RASGRP3: variants seen among roughly 807,000 people sequenced by gnomAD.
RASGRP3 encodes ras guanyl-releasing protein 3.
A neutral mutation model predicts 82.7 loss-of-function variants in RASGRP3; 54 were observed. That is an observed-to-expected ratio of 0.65 (90% CI 0.52 to 0.82). RASGRP3 has a LOEUF of 0.82. Among genes scored for constraint, RASGRP3 ranks in the 40% least tolerant of loss-of-function variants. The pLI, the probability that RASGRP3 is intolerant of heterozygous loss-of-function variation, is 0.00. For synonymous variants in RASGRP3, 309 were observed against 300.5 expected, an observed-to-expected ratio of 1.03 and a Z score of -0.29; for missense variants, 861 against 828.9, an observed-to-expected ratio of 1.04 and a Z score of -0.48.
chr2:33,464,999 A>C (rs1017941331), intron 2 of RASGRP3, among the ~76,000 whole-genome samples: 1 of 152,212 alleles, frequency 6.6e-6, no homozygotes, highest in African/African-American at 2.4e-5. Context: ...TAAGTGTTCA[A>C]GTGAGAGAAA....
chr2:33,473,945 C>T (rs1013972246), upstream of RASGRP3, among the ~76,000 whole-genome samples: 3 of 152,172 alleles, frequency 2.0e-5, no homozygotes, highest in African/African-American at 4.8e-5. Flanking sequence ...GCATTAGACT[C>T]TCATAAGGAG....
At chr2:33,520,355 C>T (rs1315284275) in intron 5 of RASGRP3, among the ~76,000 whole-genome samples, 198 bp from the exon 6 acceptor site, 1 of 152,090 alleles carries the variant, frequency 6.6e-6, no homozygotes, top group Non-Finnish European at 1.5e-5. Flanking sequence ...TGAGTGGGAG[C>T]GGTTTTAGAT....
chr2:33,549,806 G>GAAAAAAAAAA, intron 14 of RASGRP3, 55 bp downstream of exon 14: 1 of 1,529,490 alleles, frequency 6.5e-7, no homozygotes, highest in South Asian at 1.3e-5. Flanking sequence ...GTGGCATTCT[G>GAAAAAAAAAA]AAAAAGTAGG....
intron 1 of RASGRP3, among the ~76,000 whole-genome samples, chr2:33,500,097 A>G (rs1669726530): frequency 6.6e-6 from 1 of 152,208 alleles, no homozygotes; most frequent in South Asian, 2.1e-4. Flanking sequence ...GAGGAGAGAC[A>G]TTCAAAAAAA....
chr2:33,447,532 T>C (rs1300683545), intron 1 of RASGRP3, among the ~76,000 whole-genome samples: 1 of 151,964 alleles, frequency 6.6e-6, no homozygotes, highest in Non-Finnish European at 1.5e-5. Context: ...GCCTCCTGAA[T>C]TCAAGTCATT....
chr2:33,476,156 G>A (rs1667348019), upstream of RASGRP3: 1 of 152,284 alleles, frequency 6.6e-6, no homozygotes. Flanking sequence ...AGTCAGGCTT[G>A]TGGCTCGTCT....
At chr2:33,552,635 T>C (rs1397504684) in intron 14 of RASGRP3, among the ~76,000 whole-genome samples, 1 of 152,216 alleles carries the variant, frequency 6.6e-6, no homozygotes, top group Non-Finnish European at 1.5e-5. Context: ...GCCGGAACCA[T>C]CTGCTTTTAA....
chr2:33,510,293 T>A (rs1443428272), intron 1 of RASGRP3, among the ~76,000 whole-genome samples: 3 of 152,236 alleles, frequency 2.0e-5, no homozygotes, highest in Non-Finnish European at 4.4e-5. Flanking sequence ...TCAAAACGAT[T>A]TGTTGAATAC....
intron 2 of RASGRP3, among the ~76,000 whole-genome samples, chr2:33,464,165 C>T (rs1201242113): frequency 6.7e-6 from 1 of 148,556 alleles, no homozygotes; most frequent in African/African-American, 2.5e-5. Context: ...GTTGTCCAGG[C>T]TGGAGTGCAG....
intron 1 of RASGRP3, among the ~76,000 whole-genome samples, chr2:33,504,813 G>T (rs1362318382): frequency 3.3e-5 from 5 of 152,036 alleles, no homozygotes; most frequent in African/African-American, 1.2e-4. Context: ...GGATGCAGTG[G>T]GAAGACCCCT....
upstream of RASGRP3, chr2:33,476,535 C>A (rs1667388858): frequency 6.6e-6 from 1 of 152,212 alleles, no homozygotes; most frequent in Non-Finnish European, 1.5e-5. Context: ...GAATGATCTT[C>A]AGTTTCTGAC....
intron 2 of RASGRP3, among the ~76,000 whole-genome samples, chr2:33,448,747 T>G (rs1012077763): frequency 5.3e-5 from 8 of 150,284 alleles, no homozygotes; most frequent in Non-Finnish European, 1.2e-4. Flanking sequence ...GTGGTGATGA[T>G]TGCACAACAT....
intron 2 of RASGRP3, among the ~76,000 whole-genome samples, chr2:33,470,546 A>AT (rs1417970783): frequency 9.9e-5 from 15 of 151,870 alleles, no homozygotes; most frequent in Non-Finnish European, 1.9e-4. Flanking sequence ...TGCCCGGCTA[A>AT]TTTTTTGTAT....
chr2:33,450,814 C>CTTTT (rs1665745631), intron 2 of RASGRP3, among the ~76,000 whole-genome samples: 1 of 30,658 alleles, frequency 3.3e-5, no homozygotes, highest in Non-Finnish European at 7.9e-5. Flanking sequence ...TTTTCTCTTT[C>CTTTT]TTTCTTTCTT....
At chr2:33,553,671 A>C (rs1308303867) in intron 14 of RASGRP3, among the ~76,000 whole-genome samples, 1 of 152,150 alleles carries the variant, frequency 6.6e-6, no homozygotes, top group African/African-American at 2.4e-5. Flanking sequence ...GCTTCTACTT[A>C]GTTGTCAGAT....
intron 1 of RASGRP3, chr2:33,482,821 A>G (rs1400388489): frequency 6.6e-6 from 1 of 152,240 alleles, no homozygotes; most frequent in Non-Finnish European, 1.5e-5. Context: ...GGGGAAAAAC[A>G]TGTGGACAGC....
At chr2:33,468,383 C>G (rs1224611813) in intron 2 of RASGRP3, among the ~76,000 whole-genome samples, 1 of 152,018 alleles carries the variant, frequency 6.6e-6, no homozygotes, top group Non-Finnish European at 1.5e-5. Flanking sequence ...GAATATTTTT[C>G]CATGTTACTA....
chr2:33,563,109 C>G lies in RASGRP3; in HGVS notation c.*372C>G, dbSNP rs981039172. 2 of 233,026 alleles carry G rather than the reference C, an allele frequency of 8.6e-6. No individual in the cohort carries two copies. Among genetic ancestry groups the G allele is most frequent in the Non-Finnish European group, 1.6e-5 (2 of 121,616 alleles). 14.4% of individuals were successfully genotyped at this position (233,026 alleles called of 1,614,324 possible). Reference sequence around the variant, plus strand: ...GACTTCGCTTTTTTTGTGAGACTATCCTTTCAATATTTTTATAAACTTTTG... The same window carrying G: ...GACTTCGCTTTTTTTGTGAGACTATGCTTTCAATATTTTTATAAACTTTTG... On this transcript the variant is annotated 3_prime_UTR_variant, in exon 18 of 18. Transcript: ENST00000403687.
At chr2:33,454,722 T>C (rs1665954765) in intron 2 of RASGRP3, among the ~76,000 whole-genome samples, 1 of 152,230 alleles carries the variant, frequency 6.6e-6, no homozygotes, top group Non-Finnish European at 1.5e-5. Context: ...CCCTGGTCTC[T>C]GGACCAGGGC....
Sources: allele counts gnomAD v4.1 joint callset (sites outside exome capture counted in the v4.1 genomes callset), GRCh38; gene constraint gnomAD v4.1.1; transcripts MANE v1.5; gene names NCBI Gene and HGNC (gene_info 2026-07-23, HGNC 2026-07-21).